Variants in XRN2 observed in about 807,000 individuals in gnomAD.
XRN2 encodes 5'-3' exoribonuclease 2, also known as DHM1-like protein.
A neutral mutation model predicts 138.5 loss-of-function variants in XRN2; 44 were observed. The ratio of observed to expected loss-of-function variants is 0.32; its 90% CI spans 0.25 to 0.41. The LOEUF (loss-of-function observed/expected upper bound fraction) is 0.41. Among genes scored for constraint, XRN2 ranks in the 10% least tolerant of loss-of-function variants. The probability of loss-of-function intolerance (pLI) is 1.00; values close to 1 mark genes in which losing one functional copy is unlikely to be tolerated. For missense variants in XRN2, 937 were observed against 1,169.3 expected (o/e 0.80, Z 2.90); for synonymous variants, 354 against 369.4 (o/e 0.96, Z 0.48).
chr20:21,339,683 C>T (rs1329872247), intron 14 of XRN2, among the ~76,000 whole-genome samples: 1 of 152,198 alleles, frequency 6.6e-6, no homozygotes, highest in Non-Finnish European at 1.5e-5. Flanking sequence ...TGACATCATA[C>T]CTTTTCTACA....
In XRN2 at chr20:21,311,757, G is replaced by A. The variant is rs2122164003; in HGVS notation, c.75+8284G>A. Among the ~76,000 whole-genome samples the A allele has an allele frequency of 2.0e-5, 3 of 152,290 alleles. No individual in the cohort carries two copies. In the South Asian group the frequency reaches 6.2e-4, roughly 32 times the overall value. ...AATCCCAGCACTTTGGGAGGCCAAG[G>A]AAGATGGATCATTTGAGGCCAGGAG... On this transcript the variant is annotated intron_variant, in intron 1 of 29. Transcript: ENST00000377191.
intron 6 of XRN2, among the ~76,000 whole-genome samples, 150 bp from the exon 7 acceptor site, chr20:21,331,399 TCACACACACACA>T (rs71806398): frequency 4.9e-5 from 7 of 144,050 alleles, no homozygotes; most frequent in African/African-American, 7.7e-5. Flanking sequence ...TTGGTGTTTT[TCACACACACACA>T]CACACACACA....
rs540622127 is a variant in XRN2 at position 21,375,814 on chromosome 20, A to T, written c.2585-6180A>T. On this transcript the variant is annotated intron_variant, in intron 27 of 29. Transcript: ENST00000377191. ...ACTCCCACCAATACCAGGTGTTTTT[A>T]TTTATTTATTTATTTTTTATTTATT... Among the ~76,000 whole-genome samples, 75 of 146,584 alleles carry T rather than the reference A, an allele frequency of 5.1e-4. 1 individual carries two copies. Among genetic ancestry groups the T allele is most frequent in the Admixed American group, 9.4e-4 (14 of 14,906 alleles).
At position 21,350,301 on chromosome 20, in the gene XRN2, C is replaced by T. The variant is rs949207122; in HGVS notation, c.1936+840C>T. Among the ~76,000 whole-genome samples the T allele has an allele frequency of 5.3e-5, 8 of 151,998 alleles. No individual in the cohort carries two copies. In the East Asian group the frequency reaches 1.2e-3, roughly 22 times the overall value. On this transcript the variant is annotated intron_variant, in intron 20 of 29. Coordinates refer to ENST00000377191, the MANE Select transcript of XRN2 (RefSeq NM_012255.5). ...CAGCAATTTGGGAGGCCAAGGCGGGCGGATCACGAGGTCAGGAGATCGAGA... is the reference window on the plus strand; with the variant it reads ...CAGCAATTTGGGAGGCCAAGGCGGGTGGATCACGAGGTCAGGAGATCGAGA...
intron 1 of XRN2, among the ~76,000 whole-genome samples, chr20:21,317,305 T>A (rs1356585157): frequency 6.6e-6 from 1 of 152,204 alleles, no homozygotes; most frequent in Admixed American, 6.5e-5. Context: ...ATGAGTATTT[T>A]TTTTTTTAAT....
chr20:21,331,818 G>A lies in XRN2; in HGVS notation c.700G>A (p.Ala234Thr). The A allele has an allele frequency of 6.2e-7, 1 of 1,610,968 alleles. No homozygotes were observed. The highest frequency in any genetic ancestry group is 8.5e-7 in the Non-Finnish European group (1 of 1,179,190). ...NTHHCLCGAD[A>T]DLIMLGLATH... is the part of the protein sequence containing the mutation. ...TCATCATTGTTTATGTGGAGCAGAT[G>A]GTAAGTTTCTTCTTTGGGATTTGCT... The change falls in exon 8 of 30, where the codon GCT becomes ACT. Residue 234 changes from alanine to threonine, a missense_variant and splice_region_variant. This residue lies in a region of XRN2 where 471 missense variants were observed against 581.2 expected (regional missense o/e 0.81). Transcript: ENST00000377191.
At chr20:21,387,151 A>G (rs1226800093) in intron 29 of XRN2, 145 bp downstream of exon 29, 13 of 1,090,008 alleles carry the variant, frequency 1.2e-5, no homozygotes, top group Non-Finnish European at 1.7e-5. Context: ...GTCTGTCATT[A>G]AAAATGTATA....
In XRN2 at chr20:21,362,005, A is replaced by T. The variant is rs370882544; in HGVS notation, c.2256-3416A>T. Among the ~76,000 whole-genome samples, 20 of 152,314 alleles carry T rather than the reference A, an allele frequency of 1.3e-4. No individual in the cohort carries two copies. In the East Asian group the frequency reaches 3.7e-3, roughly 28 times the overall value. ...ATATTAATACTTTGGTATCATAAATAGTGTCCTCATCTTTGAATGGAAACT... is the reference window on the plus strand; with the variant it reads ...ATATTAATACTTTGGTATCATAAATTGTGTCCTCATCTTTGAATGGAAACT... On this transcript the variant is annotated intron_variant, in intron 24 of 29. Transcript: ENST00000377191.
At chr20:21,357,648 A>G (rs1600705401) in intron 23 of XRN2, 88 bp from the exon 24 acceptor site, 2 of 1,062,164 alleles carry the variant, frequency 1.9e-6, no homozygotes, top group Non-Finnish European at 2.7e-6. Flanking sequence ...TCTTTTCTAA[A>G]GACTAACAAA....
chr20:21,355,875 A>C (rs1235999750), intron 21 of XRN2, among the ~76,000 whole-genome samples: 1 of 152,180 alleles, frequency 6.6e-6, no homozygotes, highest in East Asian at 1.9e-4. Flanking sequence ...ATTTTGAAAT[A>C]TGTAATAAAT....
intron 1 of XRN2, among the ~76,000 whole-genome samples, chr20:21,319,686 T>C (rs1197511198): frequency 6.6e-6 from 1 of 152,148 alleles, no homozygotes; most frequent in Non-Finnish European, 1.5e-5. Flanking sequence ...TATTGAACTT[T>C]ACTGCTATAT....
rs767704118 is a variant in XRN2 at position 21,326,511 on chromosome 20, T to A, written c.225T>A (p.Asp75Glu). ...PEDKPAPKNE[D>E]EMMVAIFEYI... The stretch of plus-strand genomic sequence containing the variant: ...ATAGACCAGCACCAAAAAATGAAGA[T>A]GAAATGATGGTTGCAATTTTTGAGT... The change falls in exon 3 of 30, where the codon GAT (aspartate) becomes GAA (glutamate). Residue 75 changes from aspartate (D) to glutamate (E), a missense_variant. Physicochemically the swap from Asp to Glu is conservative, Grantham distance 45 (BLOSUM62 2). This residue lies in a region of XRN2 where 51 missense variants were observed against 93.5 expected (regional missense o/e 0.55). Coordinates refer to ENST00000377191, the MANE Select transcript of XRN2 (RefSeq NM_012255.5). The A allele has an allele frequency of 5.0e-6, 8 of 1,614,108 alleles. No homozygotes were observed. Among genetic ancestry groups the A allele is most frequent in the Non-Finnish European group, 6.8e-6 (8 of 1,179,978 alleles).
chr20:21,362,756 G>A (rs2038651934), intron 24 of XRN2, among the ~76,000 whole-genome samples: 1 of 152,170 alleles, frequency 6.6e-6, no homozygotes, highest in Non-Finnish European at 1.5e-5. Context: ...CTCAACTGGA[G>A]TTCCATGGGA....
intron 11 of XRN2, 38 bp downstream of exon 11, chr20:21,333,875 A>C: frequency 6.2e-7 from 1 of 1,614,098 alleles, no homozygotes; most frequent in Non-Finnish European, 8.5e-7. Context: ...CGACTGTTTT[A>C]GGCTTCTTGA....
chr20:21,351,819 C>T (rs545599352), intron 20 of XRN2, among the ~76,000 whole-genome samples: 3 of 152,242 alleles, frequency 2.0e-5, no homozygotes, highest in East Asian at 1.9e-4. Context: ...CAAATTTTCC[C>T]GGCACCACTT....
intron 27 of XRN2, among the ~76,000 whole-genome samples, chr20:21,375,850 TTTA>T (rs2038815454): frequency 6.6e-6 from 1 of 151,258 alleles, no homozygotes; most frequent in African/African-American, 2.4e-5. Context: ...TATTTATTTA[TTTA>T]TTTGAGACGG....
chr20:21,334,296 G>A (rs776155057), intron 13 of XRN2, 111 bp downstream of exon 13: 3 of 843,200 alleles, frequency 3.6e-6, no homozygotes, highest in Non-Finnish European at 5.6e-6. Flanking sequence ...ATTATGGTGT[G>A]TCAACACTAA....
Position 21,352,071 on chromosome 20 carries a change from A to G in XRN2, c.1936+2610A>G, listed in dbSNP as rs148625054. On this transcript the variant is annotated intron_variant, in intron 20 of 29. Transcript: ENST00000377191. Reference sequence around the variant, plus strand: ...AGGATGGGTTTAAATTTTGACCTCAAATATTTTTGTATTTTATACAATGTT... The same window carrying G: ...AGGATGGGTTTAAATTTTGACCTCAGATATTTTTGTATTTTATACAATGTT... Among the ~76,000 whole-genome samples the G allele has an allele frequency of 1.4e-3, 206 of 152,290 alleles. 6 individuals carry two copies. The East Asian group carries it at 0.036, about 26-fold the overall frequency.
intron 1 of XRN2, among the ~76,000 whole-genome samples, chr20:21,325,046 T>C (rs536196425): frequency 6.6e-5 from 10 of 152,352 alleles, no homozygotes; most frequent in African/African-American, 1.9e-4. Context: ...CATGTCTATT[T>C]TAGACTTTTC....
Sources: allele counts gnomAD v4.1 joint callset (sites outside exome capture counted in the v4.1 genomes callset), GRCh38; gene constraint gnomAD v4.1.1; regional missense constraint gnomAD v4.1.1; transcripts MANE v1.5; gene names NCBI Gene and HGNC (gene_info 2026-07-23, HGNC 2026-07-21).